PKHD1: variants seen among roughly 807,000 people sequenced by gnomAD.
PKHD1 encodes fibrocystin.
Under a neutral mutation model 412.0 loss-of-function variants are expected in PKHD1, and 291 were observed. The ratio of observed to expected loss-of-function variants is 0.71; its 90% CI spans 0.64 to 0.78. PKHD1 has a LOEUF of 0.78. Among genes scored for constraint, PKHD1 ranks in the 30% least tolerant of loss-of-function variants. The probability of loss-of-function intolerance (pLI) is 0.00; values close to 1 mark genes in which losing one functional copy is unlikely to be tolerated. For synonymous variants in PKHD1, 1,777 were observed against 1,821.5 expected, an observed-to-expected ratio of 0.98 and a Z score of 0.62; for missense variants, 4,825 against 4,950.7, an observed-to-expected ratio of 0.97 and a Z score of 0.76.
chr6:51,862,928 T>C (rs1774435833), intron 48 of PKHD1, among the ~76,000 whole-genome samples: 1 of 152,196 alleles, frequency 6.6e-6, no homozygotes, highest in Non-Finnish European at 1.5e-5. Context: ...ATTACCTAAT[T>C]CCCTTGCCAG....
At chr6:51,967,978 G>A (rs1459211032) in intron 35 of PKHD1, among the ~76,000 whole-genome samples, 1 of 152,056 alleles carries the variant, frequency 6.6e-6, no homozygotes, top group African/African-American at 2.4e-5. Context: ...TGCTATGAAC[G>A]TTTGACAGCT....
At chr6:51,886,365 T>G (rs981510315) in intron 44 of PKHD1, among the ~76,000 whole-genome samples, 4 of 152,188 alleles carry the variant, frequency 2.6e-5, no homozygotes, top group Non-Finnish European at 5.9e-5. Flanking sequence ...AACACAATTA[T>G]ATACAAAAGC....
In PKHD1 at chr6:52,045,108, G is replaced by A; in HGVS notation, c.2593-20C>T. The stretch of plus-strand genomic sequence containing the variant: ...AGAGACCTGAGATGGTTACATTTCT[G>A]GTAAATTCTGTCATGGAACCGAAAT... On this transcript the variant is annotated intron_variant, in intron 24 of 66. Transcript: ENST00000371117. The A allele has an allele frequency of 6.2e-7, 1 of 1,612,334 alleles. No individual in the cohort carries two copies. The highest frequency in any genetic ancestry group is 8.5e-7 in the Non-Finnish European group (1 of 1,178,610).
intron 25 of PKHD1, 62 bp from the exon 26 acceptor site, chr6:52,043,792 A>C (rs976263806): frequency 2.6e-6 from 3 of 1,166,900 alleles, no homozygotes; most frequent in Non-Finnish European, 3.9e-6. Flanking sequence ...GGTATTCATA[A>C]AGTATATGTG....
At chr6:51,913,309 G>T (rs1783261783) in intron 37 of PKHD1, among the ~76,000 whole-genome samples, 1 of 152,038 alleles carries the variant, frequency 6.6e-6, no homozygotes, top group South Asian at 2.1e-4. Context: ...TCTAACATAG[G>T]ACTGCTAAAT....
In PKHD1 at chr6:52,071,073, A is replaced by G; in HGVS notation, c.603-3T>C. The G allele has an allele frequency of 6.3e-7, 1 of 1,590,704 alleles. No homozygotes were observed. Among genetic ancestry groups the G allele is most frequent in the Non-Finnish European group, 8.6e-7 (1 of 1,158,824 alleles). On this transcript the variant is annotated splice_region_variant and splice_polypyrimidine_tract_variant and intron_variant, in intron 8 of 66. Coordinates refer to ENST00000371117, the MANE Select transcript of PKHD1 (RefSeq NM_138694.4). ...CATGGTCCTCCTGAATAGGATAACT[A>G]AGGAAAAGACAAACTGAGGTAAGAA...
intron 35 of PKHD1, among the ~76,000 whole-genome samples, chr6:52,002,404 T>A (rs999282215): frequency 6.6e-6 from 1 of 152,214 alleles, no homozygotes; most frequent in Non-Finnish European, 1.5e-5. Flanking sequence ...GGCAAAGCCC[T>A]TTCAGATGTG....
At chr6:51,772,812 T>C (rs778778880) in intron 54 of PKHD1, 23 bp from the exon 55 acceptor site, 3 of 1,330,780 alleles carry the variant, frequency 2.3e-6, no homozygotes, top group Non-Finnish European at 2.2e-6. Context: ...GGAGTAACAG[T>C]TGGATAGAAA....
chr6:52,026,380 A>G (rs753761762), intron 31 of PKHD1, among the ~76,000 whole-genome samples, 199 bp from the exon 32 acceptor site: 4 of 152,246 alleles, frequency 2.6e-5, no homozygotes, highest in Non-Finnish European at 5.9e-5. Context: ...TTCACATAAC[A>G]GTAAAATAAT....
chr6:52,081,096 T>C (rs1017147849), intron 4 of PKHD1, among the ~76,000 whole-genome samples: 1 of 152,200 alleles, frequency 6.6e-6, no homozygotes, highest in African/African-American at 2.4e-5. Context: ...GATATTTGTC[T>C]TCCAATCAAT....
chr6:51,869,366 G>A (rs898082866), intron 47 of PKHD1, among the ~76,000 whole-genome samples: 6 of 151,914 alleles, frequency 3.9e-5, no homozygotes, highest in African/African-American at 7.3e-5. Flanking sequence ...CCCCTTCCTC[G>A]GCCCCTTCAC....
chr6:51,921,050 T>C (rs1475394812), intron 37 of PKHD1, among the ~76,000 whole-genome samples: 4 of 152,122 alleles, frequency 2.6e-5, no homozygotes, highest in African/African-American at 9.7e-5. Flanking sequence ...TCTATCAATT[T>C]TGTTAATCTT....
intron 43 of PKHD1, among the ~76,000 whole-genome samples, chr6:51,888,603 C>G (rs1226673890): frequency 6.6e-6 from 1 of 151,748 alleles, no homozygotes; most frequent in Non-Finnish European, 1.5e-5. Context: ...ATAAGAAGGG[C>G]CTTCCTTCTT....
chr6:51,961,566 T>A (rs1031441243), intron 35 of PKHD1, among the ~76,000 whole-genome samples: 1 of 152,084 alleles, frequency 6.6e-6, no homozygotes, highest in Non-Finnish European at 1.5e-5. Context: ...TAGCTTTAGG[T>A]TGGTAAAATA....
chr6:52,005,242 T>C lies in PKHD1; in HGVS notation c.5751+5067A>G, dbSNP rs116780949. Among the ~76,000 whole-genome samples the C allele has an allele frequency of 5.6e-3, 850 of 152,268 alleles. 6 individuals are homozygous for C. The highest frequency in any genetic ancestry group is 0.02 in the African/African-American group (820 of 41,532). On this transcript the variant is annotated intron_variant, in intron 35 of 66. Coordinates refer to ENST00000371117, the MANE Select transcript of PKHD1 (RefSeq NM_138694.4). The stretch of plus-strand genomic sequence containing the variant: ...CTGAGATGCTTCTACCTCTCGTCGG[T>C]TTACCAATCAGTTCATCCATACCTC...
chr6:51,736,035 C>G (rs1783801649), intron 60 of PKHD1, among the ~76,000 whole-genome samples: 1 of 152,134 alleles, frequency 6.6e-6, no homozygotes, highest in African/African-American at 2.4e-5. Flanking sequence ...GTTCCCACAC[C>G]TATAAAATGG....
At chr6:51,887,038 C>G (rs1266293168) in intron 44 of PKHD1, 95 bp downstream of exon 44, 1 of 828,604 alleles carries the variant, frequency 1.2e-6, no homozygotes, top group Non-Finnish European at 2.1e-6. Flanking sequence ...ACCCAATCTC[C>G]AACAAATGCC....
chr6:51,636,012 C>T (rs917605119), intron 64 of PKHD1, among the ~76,000 whole-genome samples: 20 of 152,104 alleles, frequency 1.3e-4, no homozygotes, highest in African/African-American at 3.9e-4. Context: ...TGATAGTGAA[C>T]GTGGAAAGGC....
At chr6:51,796,816 G>GGT (rs1304967667) in intron 52 of PKHD1, among the ~76,000 whole-genome samples, 3 of 98,904 alleles carry the variant, frequency 3.0e-5, no homozygotes, top group Non-Finnish European at 4.3e-5. Context: ...GTTTTGAATA[G>GGT]ATTTTTTTTT....
Sources: allele counts gnomAD v4.1 joint callset (sites outside exome capture counted in the v4.1 genomes callset), GRCh38; gene constraint gnomAD v4.1.1; transcripts MANE v1.5; gene names NCBI Gene and HGNC (gene_info 2026-07-23, HGNC 2026-07-21).